The following GGCX variants were observed in gnomAD, a reference collection of about 807,000 sequenced individuals.
GGCX encodes vitamin K-dependent gamma-carboxylase.
Under a neutral mutation model 88.5 loss-of-function variants are expected in GGCX, and 63 were observed. That is an observed-to-expected ratio of 0.71 (90% CI 0.58 to 0.88). GGCX has a LOEUF of 0.88. GGCX is among the 40% of genes least tolerant of loss of function. GGCX has a pLI of 0.00. For missense variants in GGCX, 805 were observed against 932.9 expected (o/e 0.86, Z 1.79); for synonymous variants, 368 against 365.8 (o/e 1.01, Z -0.07).
At chr2:85,551,145 A>C (rs1691932206) in intron 12 of GGCX, 73 bp from the exon 13 acceptor site, 2 of 1,364,616 alleles carry the variant, frequency 1.5e-6, no homozygotes, top group Non-Finnish European at 2.1e-6. Flanking sequence ...CTACTCTATG[A>C]CTCTTGGCTT....
At position 85,555,522 on chromosome 2, in the gene GGCX, C is replaced by T; in HGVS notation, c.687G>A (p.Met229Ile). ...AGAGCCAGTGCCGGGACAAATATTC[C>T]ATGGAATAGCCTTCAACCCAGTCTG... ...LDADWVEGYS[M>I]EYLSRHWLFS... is the part of the protein sequence containing the mutation. The change falls in exon 6 of 15, where the codon ATG becomes ATA. Residue 229 changes from methionine (M) to isoleucine (I), a missense_variant. Met to Ile is a conservative substitution (Grantham distance 10). Coordinates refer to ENST00000233838, the MANE Select transcript of GGCX (RefSeq NM_000821.7). 1 of 1,606,090 alleles carries T rather than the reference C, an allele frequency of 6.2e-7. No homozygotes were observed. Among genetic ancestry groups the T allele is most frequent in the Non-Finnish European group, 8.5e-7 (1 of 1,172,694 alleles).
Position 85,547,131 on chromosome 2 carries a change from A to G in GGCX, c.*2803T>C, listed in dbSNP as rs1343576248. 3 of 152,314 alleles carry G rather than the reference A, an allele frequency of 2.0e-5. No individual in the cohort carries two copies. Among genetic ancestry groups the G allele is most frequent in the Non-Finnish European group, 4.4e-5 (3 of 68,120 alleles). 9.4% of individuals were successfully genotyped at this position (152,314 alleles called of 1,614,324 possible). ...CCACAGGGAGCAGAGGGAAAGCATA[A>G]CAGCAGGGGATGATAAGGGTGATTA... On this transcript the variant is annotated 3_prime_UTR_variant, in exon 15 of 15. Coordinates refer to ENST00000233838, the MANE Select transcript of GGCX (RefSeq NM_000821.7).
In GGCX at chr2:85,554,257, C is replaced by A; in HGVS notation, c.775G>T (p.Gly259Trp). The change falls in exon 7 of 15, where the codon GGG becomes TGG. Residue 259 changes from glycine (G) to tryptophan (W), a missense_variant. Physicochemically the swap from Gly to Trp is radical, Grantham distance 184 (BLOSUM62 -2). This residue lies in a region of GGCX where 680 missense variants were observed against 763.7 expected (regional missense o/e 0.89). Coordinates refer to ENST00000233838, the MANE Select transcript of GGCX (RefSeq NM_000821.7). Reference sequence around the variant, plus strand: ...CCAGCTGAGAGGTCAAGCAGCAGCCCACCCCAGTGCACGACCAGCAGGCTA... The same window carrying A: ...CCAGCTGAGAGGTCAAGCAGCAGCCAACCCCAGTGCACGACCAGCAGGCTA... ...LTSLLVVHWG[G>W]LLLDLSAGFL... 6.2e-7 allele frequency: 1 copy of A among 1,613,890 alleles called. No individual in the cohort carries two copies. The highest frequency in any genetic ancestry group is 8.5e-7 in the Non-Finnish European group (1 of 1,179,770).
rs1691848641 is a variant in GGCX at position 85,549,903 on chromosome 2, T to C, written c.*31A>G. ...ATAGAATGGGTCTGTGACTGGCTGCTTCTACATCTGCACCCAACATCTGGC... is the reference window on the plus strand; with the variant it reads ...ATAGAATGGGTCTGTGACTGGCTGCCTCTACATCTGCACCCAACATCTGGC... On this transcript the variant is annotated 3_prime_UTR_variant, in exon 15 of 15. Coordinates refer to ENST00000233838, the MANE Select transcript of GGCX (RefSeq NM_000821.7). 6.8e-7 allele frequency: 1 copy of C among 1,463,150 alleles called. No individual in the cohort carries two copies. Among genetic ancestry groups the C allele is most frequent in the African/African-American group, 1.4e-5 (1 of 71,700 alleles). The allele number at this position is 1,463,150 out of a possible 1,614,324, so 90.6% of individuals were successfully genotyped here.
At position 85,545,791 on chromosome 2, in the gene GGCX, A is replaced by G. The variant is rs1691632417; in HGVS notation, c.*4143T>C. ...GCAATTTAAGCCTATTAATCTGCAT[A>G]CATTTTTAAATTATGAGCTTAGTTT... is the stretch of plus-strand genomic sequence containing the variant. On this transcript the variant is annotated 3_prime_UTR_variant, in exon 15 of 15. Coordinates refer to ENST00000233838, the MANE Select transcript of GGCX (RefSeq NM_000821.7). 6.6e-6 allele frequency: 1 copy of G among 151,930 alleles called. No individual in the cohort carries two copies. The highest frequency in any genetic ancestry group is 6.5e-5 in the Admixed American group (1 of 15,282). 9.4% of individuals were successfully genotyped at this position (151,930 alleles called of 1,614,324 possible).
chr2:85,560,008 C>T (rs1326988599), intron 2 of GGCX, among the ~76,000 whole-genome samples: 3 of 152,208 alleles, frequency 2.0e-5, no homozygotes, highest in Non-Finnish European at 4.4e-5. Flanking sequence ...TTCTTCCTCC[C>T]CCAAGTTGTG....
rs899838966 is a variant in GGCX, at chr2:85,547,645, GAGA to G, written c.*2286_*2288del. The G allele has an allele frequency of 2.6e-5, 4 of 152,204 alleles. No individual in the cohort carries two copies. Among genetic ancestry groups the G allele is most frequent in the South Asian group, 2.1e-4 (1 of 4,836 alleles). 9.4% of individuals were successfully genotyped at this position (152,204 alleles called of 1,614,324 possible). On this transcript the variant is annotated 3_prime_UTR_variant, in exon 15 of 15. Transcript: ENST00000233838. ...AGTATCTTCTATTGTGTTACTATGA[GAGA>G]AGATCTGCAAAAGGATTGAAAATCA...
intron 14 of GGCX, among the ~76,000 whole-genome samples, 191 bp downstream of exon 14, chr2:85,550,364 C>G (rs1246040065): frequency 6.6e-6 from 1 of 152,030 alleles, no homozygotes; most frequent in Non-Finnish European, 1.5e-5. Flanking sequence ...TAAGCTGAGG[C>G]AGAACAAGAA....
intron 6 of GGCX, 97 bp from the exon 7 acceptor site, chr2:85,554,403 G>T: frequency 9.7e-7 from 1 of 1,030,442 alleles, no homozygotes; most frequent in Non-Finnish European, 1.5e-6. Context: ...CCAGTGGCTG[G>T]GTAGATGCCT....
In GGCX at chr2:85,553,024, A is replaced by G. The variant is rs948017813; in HGVS notation, c.1202T>C (p.Met401Thr). 1.2e-6 allele frequency: 2 copies of G among 1,614,098 alleles called. No homozygotes were observed. The highest frequency in any genetic ancestry group is 8.5e-7 in the Non-Finnish European group (1 of 1,179,936). ...CTGGTGGGAGCGGGAGTGCACCATC[A>G]TGTCCCAGGAATAGCCATACAGCCC... ...TNGLYGYSWDMMVHSRSHQHV... is the reference protein window; with the variant it reads ...TNGLYGYSWDTMVHSRSHQHV... The change falls in exon 9 of 15, where the codon ATG (methionine) becomes ACG (threonine). Residue 401 changes from methionine to threonine, a missense_variant. Physicochemically the swap from Met to Thr is moderately conservative, Grantham distance 81. Around this residue, in one of 3 missense-constraint regions of GGCX, gnomAD observed 680 missense variants for 763.7 expected, o/e 0.89. Coordinates refer to ENST00000233838, the MANE Select transcript of GGCX (RefSeq NM_000821.7).
Position 85,556,208 on chromosome 2 carries a change from A to G in GGCX, c.592T>C (p.Trp198Arg). The G allele has an allele frequency of 6.2e-7, 1 of 1,612,844 alleles. No individual in the cohort carries two copies. The highest frequency in any genetic ancestry group is 8.5e-7 in the Non-Finnish European group (1 of 1,178,798). Reference sequence around the variant, plus strand: ...TGGCCACGGAGCACTGCATAGTTCCAAAGGGGCACGTGGGCATTCCTCCTA... The same window carrying G: ...TGGCCACGGAGCACTGCATAGTTCCGAAGGGGCACGTGGGCATTCCTCCTA... The part of the protein sequence containing the change: ...AHRRNAHVPL[W>R]NYAVLRGQIF... Residue 198 changes from tryptophan to arginine, a missense_variant, in exon 5 of 15, where the codon TGG (tryptophan) becomes CGG (arginine). This residue lies in a region of GGCX where 680 missense variants were observed against 763.7 expected (regional missense o/e 0.89). Coordinates refer to ENST00000233838, the MANE Select transcript of GGCX (RefSeq NM_000821.7).
Position 85,549,552 on chromosome 2 carries a change from G to A in GGCX, c.*382C>T, listed in dbSNP as rs1573316742. 1 of 249,740 alleles carries A rather than the reference G, an allele frequency of 4.0e-6. No individual in the cohort carries two copies. Among genetic ancestry groups the A allele is most frequent in the Non-Finnish European group, 7.9e-6 (1 of 126,098 alleles). 15.5% of individuals were successfully genotyped at this position (249,740 alleles called of 1,614,324 possible). Reference sequence around the variant, plus strand: ...ATTTTTGTATTTTTAGTAGAGAAGGGGTTTTGCCATGTTGGCCAGGCTGGT... The same window carrying A: ...ATTTTTGTATTTTTAGTAGAGAAGGAGTTTTGCCATGTTGGCCAGGCTGGT... On this transcript the variant is annotated 3_prime_UTR_variant, in exon 15 of 15. Coordinates refer to ENST00000233838, the MANE Select transcript of GGCX (RefSeq NM_000821.7).
At chr2:85,552,881 A>G in intron 9 of GGCX, 58 bp downstream of exon 9, 1 of 1,594,664 alleles carries the variant, frequency 6.3e-7, no homozygotes. Context: ...ACAAAACCAG[A>G]CCCCAAAGCA....
rs1254898 is a variant in GGCX at position 85,561,017 on chromosome 2, C to T, written c.44-32G>A. The T allele has an allele frequency of 0.3, 462,046 of 1,563,930 alleles. 72,161 individuals carry two copies. Among genetic ancestry groups the T allele is most frequent in the Non-Finnish European group, 0.32 (364,433 of 1,134,542 alleles). On this transcript the variant is annotated intron_variant, in intron 1 of 14. Transcript: ENST00000233838. ...TCAATAAATGGAGAAAATATGTGTG[C>T]GGGGGTGGGCTCCACCTCAAATCAA...
At chr2:85,558,272 G>A (rs1022248239) in intron 4 of GGCX, among the ~76,000 whole-genome samples, 168 bp downstream of exon 4, 2 of 152,076 alleles carry the variant, frequency 1.3e-5, no homozygotes, top group Non-Finnish European at 2.9e-5. Flanking sequence ...CATCCCAAGC[G>A]CTCCAACTAG....
intron 4 of GGCX, 100 bp downstream of exon 4, chr2:85,558,340 G>T: frequency 9.8e-7 from 1 of 1,019,126 alleles, no homozygotes; most frequent in Non-Finnish European, 1.6e-6. Context: ...ACCATACTTT[G>T]CAAACATGAC....
chr2:85,552,308 G>T, intron 10 of GGCX, 108 bp downstream of exon 10: 1 of 1,118,610 alleles, frequency 8.9e-7, no homozygotes, highest in Non-Finnish European at 1.4e-6. Flanking sequence ...ACATGCACTA[G>T]AGGAAGGACA....
At position 85,556,248 on chromosome 2, in the gene GGCX, A is replaced by T; in HGVS notation, c.552T>A (p.Gly184=). Reference sequence around the variant, plus strand: ...CATTCCTCCTATGGGCATTCAGCAGACCGTCCACAGACCTACACCGAGGGA... The same window carrying T: ...CATTCCTCCTATGGGCATTCAGCAGTCCGTCCACAGACCTACACCGAGGGA... ...MDANHYWSVD[G]LLNAHRRNAH... is the part of the protein sequence containing the mutation. The change falls in exon 5 of 15, where the codon GGT becomes GGA. Residue 184 remains glycine (G), a synonymous_variant. Coordinates refer to ENST00000233838, the MANE Select transcript of GGCX (RefSeq NM_000821.7). 6 of 1,609,090 alleles carry T rather than the reference A, an allele frequency of 3.7e-6. No individual in the cohort carries two copies. The highest frequency in any genetic ancestry group is 5.1e-6 in the Non-Finnish European group (6 of 1,176,194).
rs34669893 is a variant in GGCX at position 85,546,887 on chromosome 2, C to G, written c.*3047G>C. ...AATACATTGCAGATAACCATATTGG[C>G]TACATTAGGGGAATGAGCATGGATA... On this transcript the variant is annotated 3_prime_UTR_variant, in exon 15 of 15. Transcript: ENST00000233838. The G allele has an allele frequency of 6.6e-6, 1 of 152,130 alleles. No individual in the cohort carries two copies. The highest frequency in any genetic ancestry group is 6.5e-5 in the Admixed American group (1 of 15,268). 9.4% of individuals were successfully genotyped at this position (152,130 alleles called of 1,614,324 possible). A position where few individuals can be genotyped will look rare whatever the true frequency, so the allele number is the denominator to read the frequency against.
Sources: gnomAD v4.1 joint callset for allele counts (sites outside exome capture counted in the v4.1 genomes callset) on GRCh38, gnomAD v4.1.1 for gene constraint, gnomAD v4.1.1 regional missense constraint, MANE v1.5 for transcripts, NCBI Gene and HGNC (gene_info 2026-07-23, HGNC 2026-07-21) for gene names.